Variants in ATP11A observed in about 807,000 individuals in gnomAD.
ATP11A encodes ATPase phospholipid transporting 11A.
ATP11A carries 81 observed loss-of-function variants against 154.4 expected under a neutral mutation model. The observed-to-expected ratio is 0.52, with a 90% CI of 0.44 to 0.63. ATP11A has a LOEUF of 0.63. ATP11A is among the 30% of genes least tolerant of loss of function. The pLI, the probability that ATP11A is intolerant of heterozygous loss-of-function variation, is 0.00. For synonymous variants in ATP11A, 623 were observed against 585.9 expected (o/e 1.06, Z -0.91); for missense variants, 1,316 against 1,474.3 (o/e 0.89, Z 1.76).
chr13:112,828,416 C>T (rs1245516223), intron 12 of ATP11A, among the ~76,000 whole-genome samples: 11 of 117,290 alleles, frequency 9.4e-5, no homozygotes, highest in African/African-American at 3.5e-4. Flanking sequence ...AAGCGCCCAG[C>T]GGTGTTGAGT....
At chr13:112,824,476 C>G (rs1421044003) in intron 10 of ATP11A, 51 bp downstream of exon 10, 1 of 1,548,084 alleles carries the variant, frequency 6.5e-7, no homozygotes, top group South Asian at 1.1e-5. Context: ...TCATTACCCA[C>G]TGTAGAAATG....
chr13:112,854,779 C>T (rs538105117), intron 19 of ATP11A, among the ~76,000 whole-genome samples: 6 of 152,266 alleles, frequency 3.9e-5, no homozygotes, highest in Admixed American at 3.3e-4. Context: ...TTCACACTGC[C>T]GGCTAACAGA....
chr13:112,727,561 GAT>G (rs1890011095), intron 1 of ATP11A, among the ~76,000 whole-genome samples: 1 of 151,168 alleles, frequency 6.6e-6, no homozygotes, highest in Non-Finnish European at 1.5e-5. Context: ...AAAAAAAAAA[GAT>G]AAATGCCACA....
At chr13:112,788,397 T>C (rs1243923108) in intron 2 of ATP11A, among the ~76,000 whole-genome samples, 1 of 148,072 alleles carries the variant, frequency 6.8e-6, no homozygotes, top group South Asian at 2.2e-4. Context: ...GGTGTCCTGA[T>C]GTATAGACCC....
chr13:112,819,677 C>G (rs77255514), intron 7 of ATP11A, among the ~76,000 whole-genome samples: 1 of 152,128 alleles, frequency 6.6e-6, no homozygotes, highest in African/African-American at 2.4e-5. Flanking sequence ...CTTTATTTTA[C>G]GGAAGACGTT....
chr13:112,776,787 A>G (rs2077359396), intron 1 of ATP11A, among the ~76,000 whole-genome samples: 1 of 151,954 alleles, frequency 6.6e-6, no homozygotes. Flanking sequence ...AGTAGAGACG[A>G]GGTTTCGCCA....
Position 112,824,369 on chromosome 13 carries a change from A to T in ATP11A, c.816A>T (p.Glu272Asp), listed in dbSNP as rs2078879031. The T allele has an allele frequency of 6.2e-7, 1 of 1,614,194 alleles. No individual in the cohort carries two copies. Among genetic ancestry groups the T allele is most frequent in the Admixed American group, 1.7e-5 (1 of 60,034 alleles). ...IFGVAIYTGM[E>D]TKMALNYQSK... ...GTGTGGCTATTTACACGGGAATGGA[A>T]ACCAAGATGGCATTAAATTATCAAT... Residue 272 changes from glutamate to aspartate, a missense_variant, in exon 10 of 30, where the codon GAA becomes GAT. Physicochemically the swap from Glu to Asp is conservative, Grantham distance 45. Coordinates refer to ENST00000375645, the MANE Select transcript of ATP11A (RefSeq NM_015205.3).
At chr13:112,749,289 A>G (rs538403637) in intron 1 of ATP11A, among the ~76,000 whole-genome samples, 25 of 152,346 alleles carry the variant, frequency 1.6e-4, no homozygotes, top group African/African-American at 5.3e-4. Flanking sequence ...CCAGCCTTCT[A>G]TTTCTTAATA....
rs532269615 is a variant in ATP11A at position 112,744,303 on chromosome 13, G to A, written c.40-40832G>A. 9.2e-5 allele frequency among the ~76,000 whole-genome samples: 14 copies of A among 151,490 alleles called. No homozygotes were observed. The South Asian group carries it at 1.9e-3, about 20-fold the overall frequency. ...GGACGGTCTGGGAGGGTGTGATGGA[G>A]TATGGTGTTCTGTATATTGATGTGT... On this transcript the variant is annotated intron_variant, in intron 1 of 29. Transcript: ENST00000375645.
chr13:112,833,087 G>A (rs2079142019), intron 14 of ATP11A, 64 bp downstream of exon 14: 1 of 1,563,028 alleles, frequency 6.4e-7, no homozygotes, highest in Admixed American at 1.7e-5. Context: ...CCCAGCCCCA[G>A]TCAGGGATTT....
intron 2 of ATP11A, among the ~76,000 whole-genome samples, chr13:112,791,690 G>T (rs1199767530): frequency 6.6e-6 from 1 of 152,016 alleles, no homozygotes; most frequent in Admixed American, 6.5e-5. Context: ...CGGTGGCTTC[G>T]CTCCGCCTGG....
In ATP11A at chr13:112,875,783, C is replaced by G; in HGVS notation, c.3169C>G (p.Leu1057Val). 1.9e-6 allele frequency: 3 copies of G among 1,613,414 alleles called. No individual in the cohort carries two copies. The highest frequency in any genetic ancestry group is 2.5e-6 in the Non-Finnish European group (3 of 1,179,586). ...CTCTTCCCTGCCCCTCAGGCCGTTC[C>G]TCAACTACCAGAGGATGTACTACGT... The part of the protein sequence containing the change: ...LLWGGVIWPF[L>V]NYQRMYYVFI... Residue 1057 changes from leucine (L) to valine (V), a missense_variant, in exon 28 of 30, where the codon CTC becomes GTC. This residue lies in a region of ATP11A where 294 missense variants were observed against 290.2 expected (regional missense o/e 1.01). Coordinates refer to ENST00000375645, the MANE Select transcript of ATP11A (RefSeq NM_015205.3). The surrounding 1 kb of genome is among the most constrained non-coding windows in gnomAD (Gnocchi z 4.1).
chr13:112,814,924 C>T (rs2078601491), intron 5 of ATP11A, among the ~76,000 whole-genome samples: 1 of 152,214 alleles, frequency 6.6e-6, no homozygotes, highest in African/African-American at 2.4e-5. Context: ...TTTTACTAAA[C>T]CCAAAGGTCC....
chr13:112,790,161 CATCCT>C (rs2077806874), intron 2 of ATP11A, among the ~76,000 whole-genome samples: 1 of 135,460 alleles, frequency 7.4e-6, no homozygotes, highest in South Asian at 2.7e-4. Context: ...TCACACCCGG[CATCCT>C]GATGTGTAGA....
intron 18 of ATP11A, among the ~76,000 whole-genome samples, chr13:112,853,395 G>C (rs983738187): frequency 7.2e-5 from 11 of 151,990 alleles, no homozygotes; most frequent in African/African-American, 2.7e-4. Flanking sequence ...TAGCTAGGAA[G>C]TTCTTCCCAA....
intron 4 of ATP11A, among the ~76,000 whole-genome samples, chr13:112,808,386 T>A (rs2078384960): frequency 6.6e-6 from 1 of 151,990 alleles, no homozygotes; most frequent in African/African-American, 2.4e-5. Flanking sequence ...TCTCTTCCTC[T>A]CCCGCGCGTC....
chr13:112,819,591 A>T (rs981140262), intron 7 of ATP11A, among the ~76,000 whole-genome samples, 184 bp downstream of exon 7: 1 of 152,204 alleles, frequency 6.6e-6, no homozygotes, highest in Non-Finnish European at 1.5e-5. Flanking sequence ...TACCACTCAG[A>T]TTTGTAGCTT....
In ATP11A at chr13:112,858,241, A is replaced by G. The variant is rs2079991485; in HGVS notation, c.2618A>G (p.His873Arg). Reference sequence around the variant, plus strand: ...AAGAAGATGCTGCTTGTTCACGGGCATTTTTATTACATTAGGATCTCTGAG... The same window carrying G: ...AAGAAGATGCTGCTTGTTCACGGGCGTTTTTATTACATTAGGATCTCTGAG... ...HLKKMLLVHG[H>R]FYYIRISELV... The change falls in exon 22 of 30, where the codon CAT becomes CGT. Residue 873 changes from histidine to arginine, a missense_variant. Around this residue, in one of 5 missense-constraint regions of ATP11A, gnomAD observed 19 missense variants for 46.6 expected, o/e 0.41. Transcript: ENST00000375645. The G allele has an allele frequency of 6.2e-7, 1 of 1,613,972 alleles. No homozygotes were observed.
chr13:112,771,614 G>A (rs1330314531), intron 1 of ATP11A, among the ~76,000 whole-genome samples: 1 of 152,210 alleles, frequency 6.6e-6, no homozygotes, highest in Non-Finnish European at 1.5e-5. Flanking sequence ...CAAGGTTAGA[G>A]ATAACCAGGT....
Sources: gnomAD v4.1 joint callset for allele counts (sites outside exome capture counted in the v4.1 genomes callset) on GRCh38, gnomAD v4.1.1 for gene constraint, gnomAD v4.1.1 regional missense constraint, Gnocchi (gnomAD v3.1) non-coding constraint, MANE v1.5 for transcripts, NCBI Gene and HGNC (gene_info 2026-07-23, HGNC 2026-07-21) for gene names.